Variants in RALYL observed in about 807,000 individuals in gnomAD.
The protein encoded by RALYL is RALY RNA binding protein like.
Under a neutral mutation model 35.1 loss-of-function variants are expected in RALYL, and 29 were observed. The observed-to-expected ratio is 0.83, with a 90% CI of 0.61 to 1.13. The LOEUF (loss-of-function observed/expected upper bound fraction) is 1.13, where lower values mean the gene tolerates loss of function less well. RALYL is among the 50% of genes most tolerant of loss of function. RALYL has a pLI of 0.00. For synonymous variants in RALYL, 120 were observed against 127.6 expected (o/e 0.94, Z 0.40); for missense variants, 359 against 360.4 (o/e 1.00, Z 0.03).
At chr8:84,555,869 A>G (rs1317831697) in intron 2 of RALYL, among the ~76,000 whole-genome samples, 2 of 152,232 alleles carry the variant, frequency 1.3e-5, no homozygotes, top group African/African-American at 2.4e-5. Flanking sequence ...AAATAATAAT[A>G]TGGAAATTTG....
At chr8:84,245,546 T>A (rs1261304709) in intron 1 of RALYL, among the ~76,000 whole-genome samples, 1 of 152,150 alleles carries the variant, frequency 6.6e-6, no homozygotes, top group Non-Finnish European at 1.5e-5. Context: ...GCAAATTAGA[T>A]AATAAGGAAA....
chr8:84,319,454 C>T (rs769756642), intron 1 of RALYL, among the ~76,000 whole-genome samples: 3 of 151,960 alleles, frequency 2.0e-5, no homozygotes, highest in Non-Finnish European at 2.9e-5. Context: ...GAATAGATGA[C>T]CAATTTCATA....
chr8:84,681,842 G>A lies in RALYL; in HGVS notation c.257-92737G>A, dbSNP rs542382458. 1.1e-3 allele frequency among the ~76,000 whole-genome samples: 162 copies of A among 152,110 alleles called. 1 individual carries two copies. The highest frequency in any genetic ancestry group is 6.8e-3 in the Middle Eastern group (2 of 294). On this transcript the variant is annotated intron_variant, in intron 2 of 8. Coordinates refer to ENST00000521268, the MANE Select transcript of RALYL (RefSeq NM_173848.7). ...TGAATACCCTTTATTTCCTTTTTCC[G>A]CCTGATTGCCCTGGCCAGAACTTCC...
At chr8:84,790,724 T>C (rs1317181390) in intron 3 of RALYL, among the ~76,000 whole-genome samples, 2 of 152,116 alleles carry the variant, frequency 1.3e-5, no homozygotes, top group African/African-American at 4.8e-5. Flanking sequence ...GAGATTCCAG[T>C]GCAGTTACAT....
At chr8:84,714,292 C>A (rs1842632779) in intron 2 of RALYL, among the ~76,000 whole-genome samples, 1 of 151,644 alleles carries the variant, frequency 6.6e-6, no homozygotes, top group Admixed American at 6.6e-5. Flanking sequence ...TCAACAGATA[C>A]AAAATTTTAG....
intron 1 of RALYL, among the ~76,000 whole-genome samples, chr8:84,510,616 G>A (rs1331693403): frequency 6.6e-6 from 1 of 152,106 alleles, no homozygotes; most frequent in Admixed American, 6.6e-5. Context: ...TTCAAGACCA[G>A]CCTGACCAAC....
chr8:84,569,260 A>G (rs901843352), intron 2 of RALYL, among the ~76,000 whole-genome samples: 11 of 152,072 alleles, frequency 7.2e-5, no homozygotes, highest in Admixed American at 3.3e-4. Context: ...TCAGCTTTCT[A>G]CATATGGCTA....
intron 1 of RALYL, among the ~76,000 whole-genome samples, chr8:84,313,363 A>G: frequency 6.6e-6 from 1 of 152,196 alleles, no homozygotes; most frequent in East Asian, 1.9e-4. Flanking sequence ...CTCATTACTT[A>G]TGCAAATTTC....
chr8:84,654,797 T>C (rs1829631745), intron 2 of RALYL, among the ~76,000 whole-genome samples: 1 of 152,166 alleles, frequency 6.6e-6, no homozygotes, highest in South Asian at 2.1e-4. Flanking sequence ...CTTCATTGTG[T>C]GTATGTACCA....
At chr8:84,220,529 A>T (rs1045635388) in intron 1 of RALYL, among the ~76,000 whole-genome samples, 1 of 152,044 alleles carries the variant, frequency 6.6e-6, no homozygotes, top group Non-Finnish European at 1.5e-5. Context: ...TTTATTGAAG[A>T]TTATGGTAAA....
At chr8:84,392,719 C>G (rs924060648) in intron 1 of RALYL, among the ~76,000 whole-genome samples, 13 of 151,830 alleles carry the variant, frequency 8.6e-5, no homozygotes, top group African/African-American at 3.1e-4. Flanking sequence ...CCAAATTTAC[C>G]CAATGGTATA....
intron 1 of RALYL, among the ~76,000 whole-genome samples, chr8:84,328,820 C>T (rs1846302257): frequency 6.6e-6 from 1 of 152,108 alleles, no homozygotes; most frequent in Non-Finnish European, 1.5e-5. Flanking sequence ...CATGAATGCC[C>T]AGTGTTTAGG....
intron 2 of RALYL, among the ~76,000 whole-genome samples, chr8:84,586,711 T>C (rs916298209): frequency 6.6e-6 from 1 of 152,326 alleles, no homozygotes; most frequent in African/African-American, 2.4e-5. Flanking sequence ...AAAAACTGCA[T>C]GTTGCTGATT....
intron 1 of RALYL, among the ~76,000 whole-genome samples, chr8:84,271,742 G>A (rs755669724): frequency 2.6e-5 from 4 of 151,918 alleles, no homozygotes; most frequent in Non-Finnish European, 5.9e-5. Flanking sequence ...AGACACAAAA[G>A]ACTACATAGT....
chr8:84,527,114 T>C (rs2058960139), intron 1 of RALYL, among the ~76,000 whole-genome samples: 1 of 152,314 alleles, frequency 6.6e-6, no homozygotes, highest in Admixed American at 6.5e-5. Flanking sequence ...AACTTACTCT[T>C]ATAAACACTG....
intron 1 of RALYL, among the ~76,000 whole-genome samples, chr8:84,447,402 T>C (rs1467272718): frequency 6.6e-6 from 1 of 151,992 alleles, no homozygotes; most frequent in African/African-American, 2.4e-5. Context: ...GCCTGCTTGG[T>C]CTTGGAGCTC....
intron 1 of RALYL, among the ~76,000 whole-genome samples, chr8:84,372,892 T>G (rs1427337304): frequency 8.2e-6 from 1 of 122,062 alleles, no homozygotes; most frequent in Non-Finnish European, 1.7e-5. Context: ...ATCTGTTTTT[T>G]TTTTTTTTTT....
chr8:84,581,048 ACCT>A (rs1810709419), intron 2 of RALYL, among the ~76,000 whole-genome samples: 2 of 152,100 alleles, frequency 1.3e-5, no homozygotes, highest in South Asian at 4.1e-4. Context: ...ATGTAGTTTG[ACCT>A]CCTCACTGCT....
intron 1 of RALYL, among the ~76,000 whole-genome samples, chr8:84,503,191 A>C (rs1178843455): frequency 2.6e-5 from 4 of 152,006 alleles, no homozygotes; most frequent in Non-Finnish European, 5.9e-5. Flanking sequence ...TGTGTTACCC[A>C]AGCTAGAGTG....
Sources: allele counts gnomAD v4.1 joint callset (sites outside exome capture counted in the v4.1 genomes callset), GRCh38; gene constraint gnomAD v4.1.1; transcripts MANE v1.5; gene names NCBI Gene and HGNC (gene_info 2026-07-23, HGNC 2026-07-21).